The following STPG2 variants were observed in gnomAD, a reference collection of about 807,000 sequenced individuals.
The protein encoded by STPG2 is sperm-tail PG-rich repeat-containing protein 2.
A neutral mutation model predicts 54.2 loss-of-function variants in STPG2; 56 were observed. That is an observed-to-expected ratio of 1.03 (90% confidence interval 0.83 to 1.29). The LOEUF (loss-of-function observed/expected upper bound fraction) is 1.29, where lower values mean the gene tolerates loss of function less well. STPG2 is among the 50% of genes most tolerant of loss of function. STPG2 has a pLI of 0.00. For synonymous variants in STPG2, 200 were observed against 181.8 expected, an observed-to-expected ratio of 1.10 and a Z score of -0.81; for missense variants, 596 against 544.9, an observed-to-expected ratio of 1.09 and a Z score of -0.93.
chr4:97,637,444 G>C (rs1022565837), intron 10 of STPG2, among the ~76,000 whole-genome samples: 88 of 152,240 alleles, frequency 5.8e-4, no homozygotes, highest in Non-Finnish European at 1.1e-3. Context: ...AGACAGGGAT[G>C]CCCTCTCTCA....
At chr4:97,985,143 G>A (rs978726795) in intron 5 of STPG2, among the ~76,000 whole-genome samples, 2 of 151,944 alleles carry the variant, frequency 1.3e-5, no homozygotes, top group Non-Finnish European at 2.9e-5. Flanking sequence ...AGTACTAAAA[G>A]GACTCTGAAA....
rs201158057 is a variant in STPG2 at position 97,923,356 on chromosome 4, CT to C, written c.1044+20540del. 2.8e-3 allele frequency among the ~76,000 whole-genome samples: 431 copies of C among 152,156 alleles called. 1 individual carries two copies. Among genetic ancestry groups the C allele is most frequent in the African/African-American group, 9.5e-3 (393 of 41,538 alleles). On this transcript the variant is annotated intron_variant, in intron 8 of 10. Transcript: ENST00000295268. The stretch of plus-strand genomic sequence containing the variant: ...CCACCTCCCCGACAAGTGCCGCCCC[CT>C]GCTCCAGGGCGCCCCGTCCCATCGA...
At chr4:97,877,410 A>G (rs776922111) in intron 8 of STPG2, among the ~76,000 whole-genome samples, 1 of 152,204 alleles carries the variant, frequency 6.6e-6, no homozygotes, top group Non-Finnish European at 1.5e-5. Flanking sequence ...CACACTGCTG[A>G]TAAAGACATA....
At chr4:97,571,743 G>A (rs1019175898) in intron 10 of STPG2, among the ~76,000 whole-genome samples, 1 of 152,106 alleles carries the variant, frequency 6.6e-6, no homozygotes, top group African/African-American at 2.4e-5. Context: ...AAACCAAGCT[G>A]CGCCCCGACC....
At chr4:97,443,147 T>A (rs1027849564) in intron 4 of STPG2, among the ~76,000 whole-genome samples, 3 of 152,132 alleles carry the variant, frequency 2.0e-5, no homozygotes, top group African/African-American at 7.2e-5. Context: ...TTGGTGAGAA[T>A]AGTGAGGCAG....
intron 5 of STPG2, among the ~76,000 whole-genome samples, chr4:98,018,623 T>C (rs983772432): frequency 1.9e-4 from 29 of 152,144 alleles, no homozygotes; most frequent in Admixed American, 2.6e-4. Context: ...AACTAGTTTA[T>C]AGTCCCACCA....
intron 10 of STPG2, among the ~76,000 whole-genome samples, chr4:97,679,998 G>T (rs974034853): frequency 1.3e-5 from 2 of 151,940 alleles, no homozygotes; most frequent in African/African-American, 4.8e-5. Flanking sequence ...CTCTGTTTTG[G>T]TACCAGTGCC....
intron 4 of STPG2, among the ~76,000 whole-genome samples, chr4:97,455,517 G>T (rs556816610): frequency 1.3e-5 from 2 of 152,176 alleles, no homozygotes; most frequent in Non-Finnish European, 2.9e-5. Flanking sequence ...TTTTGCCAGG[G>T]TGGTCAGAGG....
intron 8 of STPG2, among the ~76,000 whole-genome samples, chr4:97,853,685 A>G (rs1031579387): frequency 6.6e-6 from 1 of 152,232 alleles, no homozygotes; most frequent in Admixed American, 6.5e-5. Context: ...CATCTAAAAA[A>G]ATTGTGAATA....
intron 10 of STPG2, among the ~76,000 whole-genome samples, chr4:97,675,727 C>T (rs1380982166): frequency 6.6e-6 from 1 of 151,348 alleles, no homozygotes; most frequent in Non-Finnish European, 1.5e-5. Flanking sequence ...GCCACCTTCC[C>T]TCCTGGGTTG....
intron 5 of STPG2, among the ~76,000 whole-genome samples, chr4:98,031,971 A>G (rs1310676225): frequency 2.6e-5 from 4 of 152,220 alleles, no homozygotes; most frequent in African/African-American, 4.8e-5. Flanking sequence ...AAAATGCTCA[A>G]CATCACTAAT....
At chr4:97,970,410 T>C (rs1435980568) in intron 7 of STPG2, among the ~76,000 whole-genome samples, 2 of 152,056 alleles carry the variant, frequency 1.3e-5, no homozygotes, top group African/African-American at 2.4e-5. Flanking sequence ...CTTCAAACTA[T>C]ACTACAAGGC....
At chr4:97,557,756 G>T (rs1018125893), downstream of STPG2, among the ~76,000 whole-genome samples, 2 of 152,200 alleles carry the variant, frequency 1.3e-5, no homozygotes, top group African/African-American at 4.8e-5. Flanking sequence ...AAAGGATTTT[G>T]CAGGGCATAT....
At chr4:97,600,067 A>G (rs1421974915) in intron 10 of STPG2, among the ~76,000 whole-genome samples, 1 of 152,016 alleles carries the variant, frequency 6.6e-6, no homozygotes, top group African/African-American at 2.4e-5. Context: ...GGGAAAAACA[A>G]CAAATATTAG....
At chr4:97,557,853 C>T (rs1483752764), downstream of STPG2, among the ~76,000 whole-genome samples, 1 of 152,166 alleles carries the variant, frequency 6.6e-6, no homozygotes, top group Non-Finnish European at 1.5e-5. Flanking sequence ...TTAGCAGATA[C>T]TAAGAGTTTC....
intron 9 of STPG2, among the ~76,000 whole-genome samples, chr4:97,780,977 C>A (rs531428638): frequency 6.6e-6 from 1 of 151,796 alleles, no homozygotes. Context: ...CAAGAGAAAG[C>A]GGCAAAGATC....
chr4:97,738,895 T>G (rs961296714), intron 9 of STPG2, among the ~76,000 whole-genome samples: 1 of 151,998 alleles, frequency 6.6e-6, no homozygotes, highest in Admixed American at 6.6e-5. Flanking sequence ...CCACCCCAAA[T>G]CAACAGAATA....
At chr4:98,074,164 T>C (rs1253983174) in intron 5 of STPG2, among the ~76,000 whole-genome samples, 1 of 152,242 alleles carries the variant, frequency 6.6e-6, no homozygotes. Flanking sequence ...TAATTCATGA[T>C]AAAGAAACAT....
intron 8 of STPG2, among the ~76,000 whole-genome samples, chr4:97,939,287 T>A (rs182077732): frequency 1.1e-4 from 17 of 149,428 alleles, no homozygotes; most frequent in African/African-American, 4.0e-4. Flanking sequence ...ATATATTCTC[T>A]TGTTTGGGGG....
Sources: gnomAD v4.1 joint callset for allele counts (sites outside exome capture counted in the v4.1 genomes callset) on GRCh38, gnomAD v4.1.1 for gene constraint, MANE v1.5 for transcripts, NCBI Gene and HGNC (gene_info 2026-07-23, HGNC 2026-07-21) for gene names.